The following PARD3B variants were observed in gnomAD, a reference collection of about 807,000 sequenced individuals.
PARD3B encodes the protein partitioning defective 3 homolog B.
In PARD3B, 103 loss-of-function variants were observed where a neutral mutation model predicts 130.2. That is an observed-to-expected ratio of 0.79 (90% CI 0.67 to 0.93). The LOEUF (loss-of-function observed/expected upper bound fraction) is 0.93. PARD3B is among the 40% of genes least tolerant of loss of function. PARD3B has a pLI of 0.00. For missense variants in PARD3B, 1,609 were observed against 1,499.2 expected, an observed-to-expected ratio of 1.07 and a Z score of -1.21; for synonymous variants, 583 against 553.2, an observed-to-expected ratio of 1.05 and a Z score of -0.76.
chr2:204,960,167 C>A (rs886427934), intron 2 of PARD3B, among the ~76,000 whole-genome samples: 4 of 152,170 alleles, frequency 2.6e-5, no homozygotes, highest in Admixed American at 6.5e-5. Flanking sequence ...AAGTTTTATT[C>A]ACATTTGTCC....
Position 205,531,488 on chromosome 2 carries a change from G to A in PARD3B, c.3181-21836G>A, listed in dbSNP as rs769018704. Among the ~76,000 whole-genome samples, 135 of 152,054 alleles carry A rather than the reference G, an allele frequency of 8.9e-4. 1 individual carries two copies. The highest frequency in any genetic ancestry group is 2.1e-4 in the Non-Finnish European group (14 of 68,000). ...TCTCCTGTCATATTGCATTTATTAA[G>A]AAATGTTCTTGCTCTCTAAATCCAA... On this transcript the variant is annotated intron_variant, in intron 21 of 22. Transcript: ENST00000406610.
intron 2 of PARD3B, among the ~76,000 whole-genome samples, chr2:204,807,799 A>T (rs1297055886): frequency 6.6e-6 from 1 of 152,082 alleles, no homozygotes; most frequent in East Asian, 1.9e-4. Flanking sequence ...AATTTAACTT[A>T]TGGAGATTGA....
At chr2:205,279,076 A>ACAAAAAC (rs1251111659) in intron 16 of PARD3B, among the ~76,000 whole-genome samples, 1 of 149,032 alleles carries the variant, frequency 6.7e-6, no homozygotes, top group Non-Finnish European at 1.5e-5. Flanking sequence ...GTCTCAAAAA[A>ACAAAAAC]AAAAAAAAAA....
At chr2:204,885,860 CAT>C (rs143268588) in intron 2 of PARD3B, among the ~76,000 whole-genome samples, 2,674 of 152,210 alleles carry the variant, frequency 0.018, 54 homozygotes, top group East Asian at 0.11. Flanking sequence ...GCTCAAGAAA[CAT>C]GTGTGGAATA....
At chr2:204,916,358 T>G (rs2125738044) in intron 2 of PARD3B, among the ~76,000 whole-genome samples, 1 of 152,358 alleles carries the variant, frequency 6.6e-6, no homozygotes, top group Non-Finnish European at 1.5e-5. Flanking sequence ...AATTACCTAT[T>G]AAATTCCCAA....
chr2:204,582,634 C>G (rs949117628), intron 1 of PARD3B, among the ~76,000 whole-genome samples: 1 of 152,170 alleles, frequency 6.6e-6, no homozygotes, highest in Non-Finnish European at 1.5e-5. Context: ...TAGGGAGGAG[C>G]TCCCCTCCTT....
At chr2:204,787,850 G>A (rs567186600) in intron 2 of PARD3B, among the ~76,000 whole-genome samples, 2 of 152,268 alleles carry the variant, frequency 1.3e-5, no homozygotes, top group African/African-American at 2.4e-5. Flanking sequence ...TGTAGACCTT[G>A]GGTGGGTTGT....
chr2:204,830,232 A>G (rs1467851099), intron 2 of PARD3B, among the ~76,000 whole-genome samples: 1 of 152,092 alleles, frequency 6.6e-6, no homozygotes, highest in African/African-American at 2.4e-5. Context: ...GTGAGAATGC[A>G]CTAATACATA....
At chr2:205,303,235 T>C (rs2042074843) in intron 18 of PARD3B, among the ~76,000 whole-genome samples, 1 of 152,188 alleles carries the variant, frequency 6.6e-6, no homozygotes, top group Non-Finnish European at 1.5e-5. Flanking sequence ...TTCTCAGTCT[T>C]TGGAACCAGG....
In PARD3B at chr2:205,021,654, A is replaced by C. The variant is rs2335706; in HGVS notation, c.395-25927A>C. On this transcript the variant is annotated intron_variant, in intron 3 of 22. Coordinates refer to ENST00000406610, the MANE Select transcript of PARD3B (RefSeq NM_001302769.2). This position sits in a 1 kb window ranked among gnomAD's most constrained non-coding sequence, Gnocchi z 4.5. ...TTTCTCTCTCTCTCTCTCTCTCTAT[A>C]TATATATATATAGTTAATCTTTTCA... Among the ~76,000 whole-genome samples the C allele has an allele frequency of 0.17, 20,592 of 119,738 alleles. 1,557 individuals are homozygous for C. The highest frequency in any genetic ancestry group is 0.3 in the South Asian group (1,201 of 3,986). The allele number at this position is 119,738 out of a possible 152,430, so 78.6% of individuals were successfully genotyped here. A position where few individuals can be genotyped will look rare whatever the true frequency, so the allele number is the denominator to read the frequency against.
intron 2 of PARD3B, among the ~76,000 whole-genome samples, chr2:204,930,297 A>T (rs565774825): frequency 6.6e-6 from 1 of 151,776 alleles, no homozygotes; most frequent in Non-Finnish European, 1.5e-5. Flanking sequence ...TTCTGCAGAT[A>T]CCAAAATCTG....
Position 205,124,437 on chromosome 2 carries a change from C to G in PARD3B, c.1276C>G (p.Arg426Gly). 2 of 1,597,408 alleles carry G rather than the reference C, an allele frequency of 1.3e-6. No homozygotes were observed. The highest frequency in any genetic ancestry group is 1.7e-6 in the Non-Finnish European group (2 of 1,171,256). ...AAAGGGAGCAGCAATAAAAGATGGC[C>G]GCCTACAATCAGGGGACAGAATTTT... Reference protein sequence around the residue: ...LPKGAAIKDGRLQSGDRILEV... With the variant: ...LPKGAAIKDGGLQSGDRILEV... The change falls in exon 9 of 23, where the codon CGC becomes GGC. Residue 426 changes from arginine to glycine, a missense_variant. Physicochemically the swap from Arg to Gly is moderately radical, Grantham distance 125 (BLOSUM62 -2). Transcript: ENST00000406610.
chr2:205,505,499 C>T (rs1193941434), intron 21 of PARD3B, among the ~76,000 whole-genome samples: 2 of 152,138 alleles, frequency 1.3e-5, no homozygotes, highest in African/African-American at 2.4e-5. Context: ...ACTGTTTTCC[C>T]GTCTTAGCTC....
In PARD3B at chr2:205,010,728, A is replaced by G. The variant is rs953373036; in HGVS notation, c.395-36853A>G. ...TCTATTCTCTTTTTACATTCCAGAC[A>G]TGGATTTTTTTTTCTCTGTGGAAAC... On this transcript the variant is annotated intron_variant, in intron 3 of 22. Transcript: ENST00000406610. 8.6e-5 allele frequency among the ~76,000 whole-genome samples: 13 copies of G among 151,812 alleles called. 1 individual carries two copies. The highest frequency in any genetic ancestry group is 6.6e-4 in the Admixed American group (10 of 15,236).
Position 204,689,064 on chromosome 2 carries a change from G to A in PARD3B, c.222+2782G>A, listed in dbSNP as rs1406294945. The stretch of plus-strand genomic sequence containing the variant: ...AAAGCAGGGGAGGCTGGGCCATTTA[G>A]TGTATGGTAACACCATCCCATACAC... On this transcript the variant is annotated intron_variant, in intron 2 of 22. Transcript: ENST00000406610. This position sits in a 1 kb window ranked among gnomAD's most constrained non-coding sequence, Gnocchi z 5.2. 6.6e-6 allele frequency among the ~76,000 whole-genome samples: 1 copy of A among 152,194 alleles called. No homozygotes were observed. Among genetic ancestry groups the A allele is most frequent in the Admixed American group, 6.5e-5 (1 of 15,270 alleles).
chr2:205,507,995 C>T (rs932391190), intron 21 of PARD3B, among the ~76,000 whole-genome samples: 6 of 152,194 alleles, frequency 3.9e-5, no homozygotes, highest in African/African-American at 1.4e-4. Flanking sequence ...TTTTAGTTCA[C>T]CTCGGACCTA....
intron 3 of PARD3B, among the ~76,000 whole-genome samples, chr2:205,027,897 C>T (rs1227198467): frequency 6.6e-6 from 1 of 152,006 alleles, no homozygotes; most frequent in Non-Finnish European, 1.5e-5. Context: ...TATTTTTGTG[C>T]TCTCTGTTCT....
At chr2:204,841,415 A>G (rs1407224367) in intron 2 of PARD3B, among the ~76,000 whole-genome samples, 1 of 152,204 alleles carries the variant, frequency 6.6e-6, no homozygotes, top group Non-Finnish European at 1.5e-5. Context: ...TTACTCTAAC[A>G]GTATGCCTTA....
chr2:205,435,531 C>G (rs1439361429), intron 19 of PARD3B, among the ~76,000 whole-genome samples: 4 of 150,846 alleles, frequency 2.7e-5, no homozygotes, highest in Non-Finnish European at 5.9e-5. Context: ...TTTTTATTTT[C>G]TGCTATATGG....
Sources: gnomAD v4.1 joint callset for allele counts (sites outside exome capture counted in the v4.1 genomes callset) on GRCh38, gnomAD v4.1.1 for gene constraint, Gnocchi (gnomAD v3.1) non-coding constraint, MANE v1.5 for transcripts, NCBI Gene and HGNC (gene_info 2026-07-23, HGNC 2026-07-21) for gene names.